Variants in PARD3B observed in about 807,000 individuals in gnomAD.
The protein encoded by PARD3B is partitioning defective 3 homolog B.
Under a neutral mutation model 130.2 loss-of-function variants are expected in PARD3B, and 103 were observed. The observed-to-expected ratio is 0.79, with a 90% CI of 0.67 to 0.93. PARD3B has a LOEUF of 0.93. PARD3B is among the 40% of genes least tolerant of loss of function. PARD3B has a pLI of 0.00. For synonymous variants in PARD3B, 583 were observed against 553.2 expected (o/e 1.05, Z -0.76); for missense variants, 1,609 against 1,499.2 (o/e 1.07, Z -1.21).
intron 2 of PARD3B, among the ~76,000 whole-genome samples, chr2:204,899,991 A>G (rs2046799925): frequency 6.6e-6 from 1 of 150,630 alleles, no homozygotes; most frequent in African/African-American, 2.4e-5. Context: ...GACCTATTGG[A>G]CTTCGTTTGT....
intron 13 of PARD3B, among the ~76,000 whole-genome samples, chr2:205,181,460 T>G (rs1046714135): frequency 6.6e-6 from 1 of 152,270 alleles, no homozygotes; most frequent in African/African-American, 2.4e-5. Context: ...CAAAAAACTT[T>G]GTCCTTAAAG....
At position 204,669,060 on chromosome 2, in the gene PARD3B, G is replaced by T. The variant is rs372108070; in HGVS notation, c.121-17121G>T. Among the ~76,000 whole-genome samples the T allele has an allele frequency of 7.9e-5, 12 of 152,284 alleles. No homozygotes were observed. In the East Asian group the frequency reaches 1.9e-3, roughly 24 times the overall value. ...AGGAATTCAGGTCCACTCACATCTT[G>T]ATGTTCACCTAGTAAGATCCACGCC... On this transcript the variant is annotated intron_variant, in intron 1 of 22. Transcript: ENST00000406610. The surrounding 1 kb of genome is among the most constrained non-coding windows in gnomAD (Gnocchi z 4.3).
chr2:204,549,422 G>A (rs1005614216), intron 1 of PARD3B, among the ~76,000 whole-genome samples: 1 of 152,132 alleles, frequency 6.6e-6, no homozygotes, highest in African/African-American at 2.4e-5. Context: ...AAAATTATGT[G>A]TCACAGGTGA....
chr2:205,062,516 G>A (rs1467937000), intron 4 of PARD3B, among the ~76,000 whole-genome samples: 1 of 152,108 alleles, frequency 6.6e-6, no homozygotes, highest in Non-Finnish European at 1.5e-5. Context: ...TTGCATTTGT[G>A]TGTCTCTTTC....
intron 2 of PARD3B, among the ~76,000 whole-genome samples, chr2:204,790,639 G>A (rs953908410): frequency 6.6e-6 from 1 of 152,190 alleles, no homozygotes; most frequent in African/African-American, 2.4e-5. Context: ...AGACCCGTAT[G>A]GATGAGGCAT....
intron 21 of PARD3B, among the ~76,000 whole-genome samples, chr2:205,541,884 C>T (rs1360917717): frequency 6.6e-6 from 1 of 151,860 alleles, no homozygotes; most frequent in African/African-American, 2.4e-5. Flanking sequence ...TGGCTCACAC[C>T]TGTAATCCCA....
At chr2:204,640,576 T>C (rs898800750) in intron 1 of PARD3B, among the ~76,000 whole-genome samples, 1 of 152,072 alleles carries the variant, frequency 6.6e-6, no homozygotes, top group Non-Finnish European at 1.5e-5. Context: ...GCTAAGTTCT[T>C]GTGGTGACTA....
intron 10 of PARD3B, among the ~76,000 whole-genome samples, chr2:205,141,064 A>G (rs1332795668): frequency 6.6e-6 from 1 of 152,184 alleles, no homozygotes; most frequent in African/African-American, 2.4e-5. Context: ...TAACAAGAAA[A>G]TAATTGGTCA....
chr2:205,163,318 A>T (rs1235821782), intron 11 of PARD3B, among the ~76,000 whole-genome samples: 1 of 152,232 alleles, frequency 6.6e-6, no homozygotes, highest in Non-Finnish European at 1.5e-5. Flanking sequence ...ACTATCAGTT[A>T]TTCTCTAGAG....
intron 15 of PARD3B, among the ~76,000 whole-genome samples, chr2:205,238,999 G>A (rs2039232699): frequency 6.7e-6 from 1 of 149,216 alleles, no homozygotes; most frequent in Non-Finnish European, 1.5e-5. Context: ...GTGGTGAGAT[G>A]TGAAAGGCTA....
At chr2:205,136,393 C>T (rs1336667595) in intron 10 of PARD3B, among the ~76,000 whole-genome samples, 1 of 152,120 alleles carries the variant, frequency 6.6e-6, no homozygotes, top group African/African-American at 2.4e-5. Context: ...CATTAAATTA[C>T]ATTAAATGCC....
At chr2:204,556,271 T>C (rs1329061279) in intron 1 of PARD3B, among the ~76,000 whole-genome samples, 1 of 152,172 alleles carries the variant, frequency 6.6e-6, no homozygotes, top group Admixed American at 6.5e-5. Flanking sequence ...GGGAAGTCTC[T>C]GTGTGATGTT....
intron 14 of PARD3B, among the ~76,000 whole-genome samples, chr2:205,189,168 T>C (rs1307023193): frequency 6.6e-6 from 1 of 152,168 alleles, no homozygotes; most frequent in Non-Finnish European, 1.5e-5. Flanking sequence ...CTCTGTCTGT[T>C]TCTTCATGCA....
intron 15 of PARD3B, among the ~76,000 whole-genome samples, chr2:205,194,291 T>C (rs1022396647): frequency 3.9e-5 from 6 of 152,320 alleles, no homozygotes; most frequent in African/African-American, 1.4e-4. Context: ...TGTTCAGTCA[T>C]GATGAAACAA....
intron 3 of PARD3B, among the ~76,000 whole-genome samples, chr2:204,991,851 G>A (rs955236832): frequency 4.0e-5 from 6 of 151,108 alleles, no homozygotes; most frequent in South Asian, 4.2e-4. Flanking sequence ...TTTTTCATGC[G>A]TTTTTTGGCT....
At chr2:205,249,601 C>A (rs893128080) in intron 16 of PARD3B, among the ~76,000 whole-genome samples, 1 of 152,152 alleles carries the variant, frequency 6.6e-6, no homozygotes, top group East Asian at 1.9e-4. Flanking sequence ...TCCCCTCACC[C>A]CTTCTGGAAT....
chr2:205,331,166 A>G (rs1403142956), intron 18 of PARD3B, among the ~76,000 whole-genome samples: 1 of 152,112 alleles, frequency 6.6e-6, no homozygotes, highest in African/African-American at 2.4e-5. Flanking sequence ...GTTTACATAC[A>G]TGCAGGAAAA....
At chr2:204,756,209 A>C (rs1262071574) in intron 2 of PARD3B, among the ~76,000 whole-genome samples, 1 of 152,106 alleles carries the variant, frequency 6.6e-6, no homozygotes, top group Non-Finnish European at 1.5e-5. Context: ...TACCTGAAAT[A>C]TGGAATAAAA....
intron 4 of PARD3B, among the ~76,000 whole-genome samples, chr2:205,089,167 C>A (rs12998408): frequency 1.7e-5 from 2 of 120,148 alleles, no homozygotes; most frequent in African/African-American, 6.4e-5. Flanking sequence ...TTCTTTTTTT[C>A]TTTTTTTGTT....
Sources: allele counts gnomAD v4.1 joint callset (sites outside exome capture counted in the v4.1 genomes callset), GRCh38; gene constraint gnomAD v4.1.1; non-coding constraint Gnocchi (gnomAD v3.1); transcripts MANE v1.5; gene names NCBI Gene and HGNC (gene_info 2026-07-23, HGNC 2026-07-21).